CYFIP1: variants seen among roughly 807,000 people sequenced by gnomAD.
CYFIP1 encodes the protein cytoplasmic FMR1 interacting protein 1.
In CYFIP1, 58 loss-of-function variants were observed where a neutral mutation model predicts 163.5. The ratio of observed to expected loss-of-function variants is 0.35; its 90% CI spans 0.29 to 0.44. The LOEUF (loss-of-function observed/expected upper bound fraction) is 0.44, where lower values mean the gene tolerates loss of function less well. CYFIP1 is among the 20% of genes least tolerant of loss of function. CYFIP1 has a pLI of 1.00. For synonymous variants in CYFIP1, 663 were observed against 660.7 expected (o/e 1.00, Z -0.05); for missense variants, 1,338 against 1,653.8 (o/e 0.81, Z 3.31).
At chr15:22,967,623 T>C (rs2140239654) in intron 1 of CYFIP1, among the ~76,000 whole-genome samples, 1 of 152,232 alleles carries the variant, frequency 6.6e-6, no homozygotes, top group East Asian at 1.9e-4. Flanking sequence ...ACAGCACATC[T>C]GCCCTCCACC....
intron 1 of CYFIP1, among the ~76,000 whole-genome samples, chr15:22,971,357 A>G (rs1423539066): frequency 6.6e-6 from 1 of 151,934 alleles, no homozygotes; most frequent in Non-Finnish European, 1.5e-5. Flanking sequence ...TGGGCAACAC[A>G]GCTAGACCTT....
At chr15:22,963,560 A>ATAAAACAT (rs199915541) in intron 1 of CYFIP1, among the ~76,000 whole-genome samples, 1 of 118,748 alleles carries the variant, frequency 8.4e-6, no homozygotes, top group East Asian at 2.0e-4. Context: ...ATAACATAAG[A>ATAAAACAT]AAGAATGAAA....
chr15:22,896,082 G>C (rs8038087), intron 22 of CYFIP1, among the ~76,000 whole-genome samples: 21,303 of 152,118 alleles, frequency 0.14, 1,912 homozygotes, highest in East Asian at 0.34. Flanking sequence ...TAGAAGTGAG[G>C]GTGGCCCCAG....
intron 11 of CYFIP1, among the ~76,000 whole-genome samples, chr15:22,930,389 C>CAAAGAAAAAAAA (rs869052648): frequency 9.6e-5 from 11 of 114,082 alleles, no homozygotes; most frequent in African/African-American, 3.1e-4. Flanking sequence ...CCGTCTCACC[C>CAAAGAAAAAAAA]AAAAAAAAAA....
Position 22,943,335 on chromosome 15 carries a change from A to AG in CYFIP1, c.406_407insC (p.Phe136SerfsTer62). On this transcript the variant is annotated frameshift_variant, in exon 6 of 31. Transcript: ENST00000617928. LOFTEE classifies it high-confidence loss of function. The stretch of plus-strand genomic sequence containing the variant: ...GCACAGGCGCCTCACTTCCCCGCAG[A>AG]AACGCTCAATGGCATTTCTCTGTGC... 1 of 1,614,124 alleles carries AG rather than the reference A, an allele frequency of 6.2e-7. No individual in the cohort carries two copies. Among genetic ancestry groups the AG allele is most frequent in the East Asian group, 2.2e-5 (1 of 44,884 alleles).
chr15:22,871,216 C>T (rs1412675364), intron 30 of CYFIP1, among the ~76,000 whole-genome samples: 1 of 152,140 alleles, frequency 6.6e-6, no homozygotes, highest in Non-Finnish European at 1.5e-5. Context: ...ACCCAACACA[C>T]AAGGAAACAG....
At chr15:22,889,073 A>G (rs1478948011) in intron 23 of CYFIP1, among the ~76,000 whole-genome samples, 3 of 152,140 alleles carry the variant, frequency 2.0e-5, no homozygotes, top group African/African-American at 7.2e-5. Flanking sequence ...ACAAAAAACA[A>G]AAAGAAAAAC....
At chr15:22,882,072 G>A (rs1478945982) in intron 24 of CYFIP1, 136 bp from the exon 25 acceptor site, 1 of 711,776 alleles carries the variant, frequency 1.4e-6, no homozygotes, top group Non-Finnish European at 2.3e-6. Flanking sequence ...GTCTGGCTGG[G>A]GAATAAAATC....
At chr15:22,884,447 C>CT (rs1187561992) in intron 23 of CYFIP1, among the ~76,000 whole-genome samples, 1 of 152,222 alleles carries the variant, frequency 6.6e-6, no homozygotes, top group Non-Finnish European at 1.5e-5. Context: ...AATCTTAAAG[C>CT]TTTAAAATAA....
At chr15:22,948,808 T>A (rs1252222850) in intron 1 of CYFIP1, among the ~76,000 whole-genome samples, 6 of 139,720 alleles carry the variant, frequency 4.3e-5, no homozygotes, top group Admixed American at 7.1e-5. Flanking sequence ...TACTGAAATG[T>A]AAAAAAAAAA....
At chr15:22,955,858 T>C (rs2062430043) in intron 1 of CYFIP1, among the ~76,000 whole-genome samples, 1 of 149,052 alleles carries the variant, frequency 6.7e-6, no homozygotes, top group African/African-American at 2.5e-5. Context: ...AGGGTGATTT[T>C]TGTAAAACCT....
chr15:22,875,332 G>A (rs2059553363), intron 26 of CYFIP1, 61 bp from the exon 27 acceptor site: 6 of 1,429,090 alleles, frequency 4.2e-6, no homozygotes, highest in Non-Finnish European at 5.9e-6. Flanking sequence ...GCAATCTGGT[G>A]CTGAAAACCA....
At chr15:22,876,134 T>C (rs1470915803) in intron 26 of CYFIP1, among the ~76,000 whole-genome samples, 4 of 151,598 alleles carry the variant, frequency 2.6e-5, no homozygotes, top group Admixed American at 2.0e-4. Context: ...TAAAGTCCCA[T>C]AGGAGTAAAA....
intron 16 of CYFIP1, 114 bp from the exon 17 acceptor site, chr15:22,914,996 C>T: frequency 8.6e-7 from 1 of 1,157,152 alleles, no homozygotes; most frequent in East Asian, 2.7e-5. Flanking sequence ...CAGCCCCAAG[C>T]CATGCAGCAT....
rs397738085 is a variant in CYFIP1, at chr15:22,962,401, C to CTT, written c.-6-15112_-6-15111dup. Among the ~76,000 whole-genome samples, 471 of 142,764 alleles carry CTT rather than the reference C, an allele frequency of 3.3e-3. 3 individuals are homozygous for CTT. The highest frequency in any genetic ancestry group is 5.2e-3 in the Non-Finnish European group (345 of 65,920). 93.7% of individuals were successfully genotyped at this position (142,764 alleles called of 152,430 possible). A position where few individuals can be genotyped will look rare whatever the true frequency, so the allele number is the denominator to read the frequency against. ...TCTCATCTATATTCTTCTTTTTTTTCTTTTTTTTTTTCTTGAGACGGAGTT... is the reference window on the plus strand; with the variant it reads ...TCTCATCTATATTCTTCTTTTTTTTCTTTTTTTTTTTTTCTTGAGACGGAGTT... On this transcript the variant is annotated intron_variant, in intron 1 of 30. Coordinates refer to ENST00000617928, the MANE Select transcript of CYFIP1 (RefSeq NM_014608.6).
At chr15:22,955,568 A>G (rs1471269381) in intron 1 of CYFIP1, among the ~76,000 whole-genome samples, 2 of 80,008 alleles carry the variant, frequency 2.5e-5, no homozygotes, top group Non-Finnish European at 5.7e-5. Context: ...TGGCCCCAGC[A>G]GAGCCCTGAA....
At position 22,926,118 on chromosome 15, in the gene CYFIP1, C is replaced by T. The variant is rs1048293260; in HGVS notation, c.1234-11G>A. 1.2e-6 allele frequency: 2 copies of T among 1,613,912 alleles called. No homozygotes were observed. The highest frequency in any genetic ancestry group is 1.7e-6 in the Non-Finnish European group (2 of 1,179,932). On this transcript the variant is annotated splice_polypyrimidine_tract_variant and intron_variant, in intron 12 of 30. Coordinates refer to ENST00000617928, the MANE Select transcript of CYFIP1 (RefSeq NM_014608.6). ...AAGCTTCCAGGAATACTGTGGTGGC[C>T]GAAAGAGCAGAGGTGTTCCATATTG... is the stretch of plus-strand genomic sequence containing the variant.
chr15:22,908,814 C>T (rs1007986245), intron 21 of CYFIP1, among the ~76,000 whole-genome samples: 1 of 152,088 alleles, frequency 6.6e-6, no homozygotes, highest in Non-Finnish European at 1.5e-5. Context: ...CAGGCATGAG[C>T]CACCGTGCCA....
At chr15:22,980,724 GC>G (rs28364572), upstream of CYFIP1, among the ~76,000 whole-genome samples, 948 of 152,220 alleles carry the variant, frequency 6.2e-3, 29 homozygotes, top group South Asian at 0.08. Context: ...GTTGGCCTGA[GC>G]TGCGGAAGGA....
Sources: gnomAD v4.1 joint callset for allele counts (sites outside exome capture counted in the v4.1 genomes callset) on GRCh38, gnomAD v4.1.1 for gene constraint, MANE v1.5 for transcripts, NCBI Gene and HGNC (gene_info 2026-07-23, HGNC 2026-07-21) for gene names.